The following RNASEH2C variants were observed in gnomAD, a reference collection of about 807,000 sequenced individuals.
The protein encoded by RNASEH2C is RNase H1 small subunit.
RNASEH2C carries 20 observed loss-of-function variants against 16.3 expected under a neutral mutation model. The ratio of observed to expected loss-of-function variants is 1.23; its 90% CI spans 0.86 to 1.79. RNASEH2C has a LOEUF of 1.79. Ranked by LOEUF, RNASEH2C falls within the 40% of genes most tolerant of loss-of-function variation. The pLI is 0.00. For synonymous variants in RNASEH2C, 106 were observed against 98.9 expected, an observed-to-expected ratio of 1.07 and a Z score of -0.43; for missense variants, 296 against 235.9, an observed-to-expected ratio of 1.25 and a Z score of -1.67.
chr11:65,720,639 C>A lies in RNASEH2C; in HGVS notation c.120G>T (p.Gly40=), dbSNP rs1296184108. The A allele has an allele frequency of 6.4e-7, 1 of 1,564,586 alleles. No homozygotes were observed. The highest frequency in any genetic ancestry group is 1.8e-5 in the Admixed American group (1 of 54,496). The change falls in exon 1 of 4, where the codon GGG becomes GGT. Residue 40 remains glycine, a synonymous_variant. Coordinates refer to ENST00000308418, the MANE Select transcript of RNASEH2C (RefSeq NM_032193.4). The part of the protein sequence containing the change: ...HLLPCEVAVD[G]PAPVGRFFTP... ...TGAAGAAGCGCCCCACCGGGGCGGG[C>A]CCGTCCACCGCAACCTCGCAGGGCA...
At position 65,718,405 on chromosome 11, in the gene RNASEH2C, C is replaced by G. The variant is rs746434462; in HGVS notation, c.*1378G>C. 3.4e-5 allele frequency: 22 copies of G among 646,052 alleles called. No homozygotes were observed. Among genetic ancestry groups the G allele is most frequent in the South Asian group, 7.4e-5 (4 of 53,962 alleles). The allele number at this position is 646,052 out of a possible 1,614,324, so 40.0% of individuals were successfully genotyped here. A position where few individuals can be genotyped will look rare whatever the true frequency, so the allele number is the denominator to read the frequency against. The stretch of plus-strand genomic sequence containing the variant: ...CATGCCCTCCACTGTGCTCAGCGCA[C>G]GGAAAGAGTGAATACTCAGTTCTTC... On this transcript the variant is annotated 3_prime_UTR_variant, in exon 4 of 4. Transcript: ENST00000308418.
chr11:65,718,945 C>A lies in RNASEH2C; in HGVS notation c.*838G>T. Reference sequence around the variant, plus strand: ...CTCTGCAGTACCTCAATCTCATCAACTACTACAAGGTAGGGAGGCAGGCAG... The same window carrying A: ...CTCTGCAGTACCTCAATCTCATCAAATACTACAAGGTAGGGAGGCAGGCAG... On this transcript the variant is annotated 3_prime_UTR_variant, in exon 4 of 4. Transcript: ENST00000308418. The A allele has an allele frequency of 6.2e-7, 1 of 1,614,182 alleles. No homozygotes were observed. The highest frequency in any genetic ancestry group is 2.2e-5 in the East Asian group (1 of 44,890).
Position 65,719,562 on chromosome 11 carries a change from CTTACCCCT to C in RNASEH2C, c.*213_*220del. On this transcript the variant is annotated 3_prime_UTR_variant, in exon 4 of 4. Transcript: ENST00000308418. ...CTGGCTGCAAAAATTTCTGGCTTCTCTTACCCCTATTGCCCCCGGCAATAAATTGTTTC... is the reference window on the plus strand; with the variant it reads ...CTGGCTGCAAAAATTTCTGGCTTCTCATTGCCCCCGGCAATAAATTGTTTC... 1.6e-6 allele frequency: 1 copy of C among 637,736 alleles called. No individual in the cohort carries two copies. Among genetic ancestry groups the C allele is most frequent in the East Asian group, 2.7e-5 (1 of 36,764 alleles). 39.5% of individuals were successfully genotyped at this position (637,736 alleles called of 1,614,324 possible). A position where few individuals can be genotyped will look rare whatever the true frequency, so the allele number is the denominator to read the frequency against.
In RNASEH2C at chr11:65,718,771, TG is replaced by T. The variant is rs1857294404; in HGVS notation, c.*1011del. On this transcript the variant is annotated 3_prime_UTR_variant, in exon 4 of 4. Coordinates refer to ENST00000308418, the MANE Select transcript of RNASEH2C (RefSeq NM_032193.4). ...TCAAGTGAGCCTGGCGCTGTCTACC[TG>T]GGGGTACATGGCATGGCTTGTCTGT... The T allele has an allele frequency of 6.2e-7, 1 of 1,613,956 alleles. No homozygotes were observed.
chr11:65,720,067 G>A lies in RNASEH2C; in HGVS notation c.446C>T (p.Thr149Ile). 1.2e-6 allele frequency: 2 copies of A among 1,614,002 alleles called. No individual in the cohort carries two copies. Among genetic ancestry groups the A allele is most frequent in the Non-Finnish European group, 1.7e-6 (2 of 1,180,044 alleles). ...CACCGCTGCCGCAAGGCTGGGCCAA[G>A]TTAAGGCCCCACGCACTTTGGCATC... ...GPDAKVRGAL[T>I]WPSLAAAIHA... The change falls in exon 3 of 4, where the codon ACT becomes ATT. Residue 149 changes from threonine to isoleucine, a missense_variant. Coordinates refer to ENST00000308418, the MANE Select transcript of RNASEH2C (RefSeq NM_032193.4).
Position 65,720,376 on chromosome 11 carries a change from CCT to C in RNASEH2C, c.212_213del (p.Glu71GlyfsTer34). The C allele has an allele frequency of 6.2e-7, 1 of 1,614,226 alleles. No individual in the cohort carries two copies. The highest frequency in any genetic ancestry group is 8.5e-7 in the Non-Finnish European group (1 of 1,180,044). On this transcript the variant is annotated frameshift_variant, in exon 2 of 4. Coordinates refer to ENST00000308418, the MANE Select transcript of RNASEH2C (RefSeq NM_032193.4). LOFTEE classifies it high-confidence loss of function. ...VSFRGRCLRG[E>X]EVAVPPGLVG... ...ACGAGGCCAGGCGGCACCGCCACCTCCTCTCCCCGTAGACAGCGGCCCCGAAA... is the reference window on the plus strand; with the variant it reads ...ACGAGGCCAGGCGGCACCGCCACCTCCTCCCCGTAGACAGCGGCCCCGAAA...
chr11:65,719,425 A>T lies in RNASEH2C; in HGVS notation c.*358T>A. ...CTCCTCTGAAGCAGGGACCAGAGGGAGCCAGGCAGCTGTGTACAGTGAGAA... is the reference window on the plus strand; with the variant it reads ...CTCCTCTGAAGCAGGGACCAGAGGGTGCCAGGCAGCTGTGTACAGTGAGAA... On this transcript the variant is annotated 3_prime_UTR_variant, in exon 4 of 4. Coordinates refer to ENST00000308418, the MANE Select transcript of RNASEH2C (RefSeq NM_032193.4). 2 of 606,640 alleles carry T rather than the reference A, an allele frequency of 3.3e-6. No homozygotes were observed. The highest frequency in any genetic ancestry group is 2.9e-6 in the Non-Finnish European group (1 of 343,726). 37.6% of individuals were successfully genotyped at this position (606,640 alleles called of 1,614,324 possible).
rs2135652770 is a variant in RNASEH2C, at chr11:65,720,232, C to T, written c.348+10G>A. 6.2e-7 allele frequency: 1 copy of T among 1,614,272 alleles called. No individual in the cohort carries two copies. The highest frequency in any genetic ancestry group is 8.5e-7 in the Non-Finnish European group (1 of 1,180,048). ...CCCGCACCCCCTTTCAACCCTATCC[C>T]TTTGCTCACGAAGTCCCGCTCCAGC... On this transcript the variant is annotated intron_variant, in intron 2 of 3. Transcript: ENST00000308418.
Position 65,719,779 on chromosome 11 carries a change from G to A in RNASEH2C, c.*4C>T. On this transcript the variant is annotated 3_prime_UTR_variant, in exon 4 of 4. Transcript: ENST00000308418. ...TCGCAGCTTTGAATTTCAAGCTCTG[G>A]TTCTCAGTCCTCGGGCACCTGTGCG... 1.9e-6 allele frequency: 3 copies of A among 1,614,132 alleles called. No individual in the cohort carries two copies. The highest frequency in any genetic ancestry group is 1.7e-6 in the Non-Finnish European group (2 of 1,180,000).
At position 65,718,977 on chromosome 11, in the gene RNASEH2C, CAG is replaced by C; in HGVS notation, c.*804_*805del. On this transcript the variant is annotated 3_prime_UTR_variant, in exon 4 of 4. Transcript: ENST00000308418. ...AAGGTAGGGAGGCAGGCAGGGGAGA[CAG>C]GTGTGTGGGATGCAGAGTGCAGTCC... is the stretch of plus-strand genomic sequence containing the variant. 1 of 1,614,044 alleles carries C rather than the reference CAG, an allele frequency of 6.2e-7. No homozygotes were observed. Among genetic ancestry groups the C allele is most frequent in the Admixed American group, 1.7e-5 (1 of 60,018 alleles).
chr11:65,719,666 G>A lies in RNASEH2C; in HGVS notation c.*117C>T. The A allele has an allele frequency of 9.0e-7, 1 of 1,107,320 alleles. No individual in the cohort carries two copies. The highest frequency in any genetic ancestry group is 1.4e-6 in the Non-Finnish European group (1 of 722,862). The allele number at this position is 1,107,320 out of a possible 1,614,324, so 68.6% of individuals were successfully genotyped here. A position where few individuals can be genotyped will look rare whatever the true frequency, so the allele number is the denominator to read the frequency against. On this transcript the variant is annotated 3_prime_UTR_variant, in exon 4 of 4. Transcript: ENST00000308418. Reference sequence around the variant, plus strand: ...GCCCATGCTGGCTTAGGGGCTCTAAGGCGCCCAGACTCACAGGTGCTGTGA... The same window carrying A: ...GCCCATGCTGGCTTAGGGGCTCTAAAGCGCCCAGACTCACAGGTGCTGTGA...
Position 65,718,760 on chromosome 11 carries a change from C to T in RNASEH2C, c.*1023G>A, listed in dbSNP as rs375354165. 74 of 1,613,984 alleles carry T rather than the reference C, an allele frequency of 4.6e-5. No individual in the cohort carries two copies. The highest frequency in any genetic ancestry group is 2.5e-4 in the Admixed American group (15 of 59,992). The stretch of plus-strand genomic sequence containing the variant: ...ACAGATCACCATCAAGTGAGCCTGG[C>T]GCTGTCTACCTGGGGGTACATGGCA... On this transcript the variant is annotated 3_prime_UTR_variant, in exon 4 of 4. Transcript: ENST00000308418.
At position 65,718,476 on chromosome 11, in the gene RNASEH2C, A is replaced by C; in HGVS notation, c.*1307T>G. On this transcript the variant is annotated 3_prime_UTR_variant, in exon 4 of 4. Transcript: ENST00000308418. ...AGAAGTGGAGGGCATAGAACTGCCA[A>C]GTGGCAGGGCCATGATAGGAACTAG... The C allele has an allele frequency of 9.4e-7, 1 of 1,064,866 alleles. No homozygotes were observed. Among genetic ancestry groups the C allele is most frequent in the Non-Finnish European group, 1.4e-6 (1 of 725,132 alleles). 66.0% of individuals were successfully genotyped at this position (1,064,866 alleles called of 1,614,324 possible).
rs767413437 is a variant in RNASEH2C at position 65,720,739 on chromosome 11, G to A, written c.20C>T (p.Ala7Val). ...GTGGACGCGGTGCCTCTCGATGGCC[G>A]CTTCGTCGCCGCTCTCCATCCTCCC... MESGDEAAIERHRVHLR... is the reference protein window; with the variant it reads MESGDEVAIERHRVHLR... The change falls in exon 1 of 4, where the codon GCG becomes GTG. Residue 7 changes from alanine to valine, a missense_variant. Coordinates refer to ENST00000308418, the MANE Select transcript of RNASEH2C (RefSeq NM_032193.4). The A allele has an allele frequency of 6.9e-6, 11 of 1,594,482 alleles. No homozygotes were observed. In the East Asian group the frequency reaches 2.0e-4, roughly 30 times the overall value.
chr11:65,719,434 G>C lies in RNASEH2C; in HGVS notation c.*349C>G, dbSNP rs1857322529. The C allele has an allele frequency of 1.6e-6, 1 of 606,356 alleles. No individual in the cohort carries two copies. The highest frequency in any genetic ancestry group is 3.0e-5 in the Admixed American group (1 of 33,894). 37.6% of individuals were successfully genotyped at this position (606,356 alleles called of 1,614,324 possible). A position where few individuals can be genotyped will look rare whatever the true frequency, so the allele number is the denominator to read the frequency against. On this transcript the variant is annotated 3_prime_UTR_variant, in exon 4 of 4. Transcript: ENST00000308418. ...AGCAGGGACCAGAGGGAGCCAGGCA[G>C]CTGTGTACAGTGAGAAGGGATCCGG... is the stretch of plus-strand genomic sequence containing the variant.
chr11:65,718,252 G>A lies in RNASEH2C; in HGVS notation c.*1531C>T, dbSNP rs1359589608. ...CCTTACATGGCTAGACACAGAGCCC[G>A]GGATGGCAAAGGAAAATTGGAGGCC... is the stretch of plus-strand genomic sequence containing the variant. On this transcript the variant is annotated 3_prime_UTR_variant, in exon 4 of 4. Coordinates refer to ENST00000308418, the MANE Select transcript of RNASEH2C (RefSeq NM_032193.4). 2.1e-5 allele frequency: 5 copies of A among 234,520 alleles called. No individual in the cohort carries two copies. The highest frequency in any genetic ancestry group is 3.4e-5 in the Non-Finnish European group (4 of 118,730). The allele number at this position is 234,520 out of a possible 1,614,324, so 14.5% of individuals were successfully genotyped here.
Position 65,718,642 on chromosome 11 carries a change from C to G in RNASEH2C, c.*1141G>C, listed in dbSNP as rs1162169521. 4 of 1,614,118 alleles carry G rather than the reference C, an allele frequency of 2.5e-6. No homozygotes were observed. Among genetic ancestry groups the G allele is most frequent in the Non-Finnish European group, 3.4e-6 (4 of 1,180,034 alleles). Reference sequence around the variant, plus strand: ...AAACAGGGACCCCTGAGAAGCCCCTCTCAGACCTTGGCCTCCTATCCTATC... The same window carrying G: ...AAACAGGGACCCCTGAGAAGCCCCTGTCAGACCTTGGCCTCCTATCCTATC... On this transcript the variant is annotated 3_prime_UTR_variant, in exon 4 of 4. Transcript: ENST00000308418.
In RNASEH2C at chr11:65,720,225, C is replaced by G. The variant is rs1857349059; in HGVS notation, c.348+17G>C. On this transcript the variant is annotated intron_variant, in intron 2 of 3. Coordinates refer to ENST00000308418, the MANE Select transcript of RNASEH2C (RefSeq NM_032193.4). ...GCTCCCGCCCGCACCCCCTTTCAAC[C>G]CTATCCCTTTGCTCACGAAGTCCCG... The G allele has an allele frequency of 3.1e-6, 5 of 1,614,272 alleles. No homozygotes were observed. The highest frequency in any genetic ancestry group is 1.3e-5 in the African/African-American group (1 of 75,074).
Position 65,719,281 on chromosome 11 carries a change from G to A in RNASEH2C, c.*502C>T. 7.1e-7 allele frequency: 1 copy of A among 1,404,680 alleles called. No individual in the cohort carries two copies. The highest frequency in any genetic ancestry group is 9.7e-7 in the Non-Finnish European group (1 of 1,027,448). 87.0% of individuals were successfully genotyped at this position (1,404,680 alleles called of 1,614,324 possible). A position where few individuals can be genotyped will look rare whatever the true frequency, so the allele number is the denominator to read the frequency against. ...TCCCACAAAGCACTCTAAGGGAGATGGGGCTGAGGACAGCTCAAAAAGGAG... is the reference window on the plus strand; with the variant it reads ...TCCCACAAAGCACTCTAAGGGAGATAGGGCTGAGGACAGCTCAAAAAGGAG... On this transcript the variant is annotated 3_prime_UTR_variant, in exon 4 of 4. Transcript: ENST00000308418.
Sources: gnomAD v4.1 joint callset for allele counts on GRCh38, gnomAD v4.1.1 for gene constraint, MANE v1.5 for transcripts, NCBI Gene and HGNC (gene_info 2026-07-23, HGNC 2026-07-21) for gene names.